Variants in NAV3 observed in about 807,000 individuals in gnomAD.
The protein encoded by NAV3 is neuron navigator 3, also known as pore membrane and/or filament interacting like protein 1.
Under a neutral mutation model 244.7 loss-of-function variants are expected in NAV3, and 87 were observed. The observed-to-expected ratio is 0.36, with a 90% CI of 0.30 to 0.42. The LOEUF (loss-of-function observed/expected upper bound fraction) is 0.42. NAV3 is among the 20% of genes least tolerant of loss of function. NAV3 has a pLI of 1.00. For missense variants in NAV3, 2,663 were observed against 2,893.3 expected, an observed-to-expected ratio of 0.92 and a Z score of 1.83; for synonymous variants, 1,126 against 1,042.2, an observed-to-expected ratio of 1.08 and a Z score of -1.55.
chr12:78,148,830 A>T lies in NAV3; in HGVS notation c.4708-12A>T, dbSNP rs79647971. The T allele has an allele frequency of 6.3e-7, 1 of 1,590,620 alleles. No homozygotes were observed. The highest frequency in any genetic ancestry group is 8.6e-7 in the Non-Finnish European group (1 of 1,167,560). ...ACTTGCCTATTCCATTGATTTTTTT[A>T]ATTGCATTCAGCAAATCCATAAACT... On this transcript the variant is annotated splice_polypyrimidine_tract_variant and intron_variant, in intron 21 of 39. Coordinates refer to ENST00000397909, the MANE Select transcript of NAV3 (RefSeq NM_001024383.2).
chr12:77,982,305 G>A (rs1427054680), intron 5 of NAV3, among the ~76,000 whole-genome samples: 1 of 63,240 alleles, frequency 1.6e-5, no homozygotes, highest in African/African-American at 3.9e-5. Context: ...AAGTTCATAT[G>A]TGACCTTTCC....
chr12:77,598,213 C>T (rs1447486610), intron 2 of NAV3, among the ~76,000 whole-genome samples: 1 of 152,032 alleles, frequency 6.6e-6, no homozygotes. Context: ...TGGAAATTCT[C>T]ATTTCATGAG....
At chr12:77,762,015 C>T (rs143254787) in intron 2 of NAV3, among the ~76,000 whole-genome samples, 6,405 of 152,178 alleles carry the variant, frequency 0.042, 440 homozygotes, top group African/African-American at 0.14. Flanking sequence ...GTAGCAAAGA[C>T]TTGGAACCCA....
intron 2 of NAV3, among the ~76,000 whole-genome samples, chr12:77,691,569 G>A (rs1405685679): frequency 6.6e-6 from 1 of 150,822 alleles, no homozygotes; most frequent in Non-Finnish European, 1.5e-5. Flanking sequence ...GAACTTCATA[G>A]TATAGACAGA....
At chr12:77,931,341 T>C (rs1220178610) in intron 1 of NAV3, among the ~76,000 whole-genome samples, 1 of 152,016 alleles carries the variant, frequency 6.6e-6, no homozygotes, top group African/African-American at 2.4e-5. Context: ...CATGTGTGCA[T>C]ATGTGTGTAT....
At chr12:78,198,864 G>A (rs927806887) in intron 36 of NAV3, among the ~76,000 whole-genome samples, 188 bp downstream of exon 36, 10 of 149,170 alleles carry the variant, frequency 6.7e-5, no homozygotes, top group African/African-American at 2.0e-4. Context: ...TCTTTCTCAA[G>A]CCAACGTTTT....
chr12:77,790,952 T>C (rs1361824354), intron 2 of NAV3, among the ~76,000 whole-genome samples: 1 of 152,222 alleles, frequency 6.6e-6, no homozygotes, highest in African/African-American at 2.4e-5. Flanking sequence ...ACTCTGCATA[T>C]GCCCTTTTAG....
chr12:77,708,767 G>A lies in NAV3; in HGVS notation c.72+136501G>A, dbSNP rs566557503. 7.8e-3 allele frequency among the ~76,000 whole-genome samples: 1,192 copies of A among 152,202 alleles called. 6 individuals carry two copies. Among genetic ancestry groups the A allele is most frequent in the Middle Eastern group, 0.02 (6 of 294 alleles). Reference sequence around the variant, plus strand: ...GTGGTTTGTAGTTCTCCTTGAAGAGGTCCTTCACATCCCTTGTAAGTTGGA... The same window carrying A: ...GTGGTTTGTAGTTCTCCTTGAAGAGATCCTTCACATCCCTTGTAAGTTGGA... On this transcript the variant is annotated intron_variant, in intron 2 of 8. Coordinates refer to the NAV3 transcript ENST00000550042.
intron 5 of NAV3, among the ~76,000 whole-genome samples, chr12:77,972,398 A>G (rs1419367424): frequency 1.3e-5 from 2 of 152,206 alleles, no homozygotes; most frequent in Non-Finnish European, 2.9e-5. Flanking sequence ...CAAGTAATCA[A>G]TTCTTTAAAA....
intron 12 of NAV3, among the ~76,000 whole-genome samples, chr12:78,074,669 A>C (rs955077563): frequency 6.6e-6 from 1 of 152,140 alleles, no homozygotes; most frequent in African/African-American, 2.4e-5. Flanking sequence ...GTGTCACTAT[A>C]CTCCAGCCTG....
At chr12:77,957,125 C>T (rs746830104) in intron 3 of NAV3, among the ~76,000 whole-genome samples, 1 of 152,194 alleles carries the variant, frequency 6.6e-6, no homozygotes. Flanking sequence ...CCATTCTCCT[C>T]GCTGCTCTAC....
chr12:78,003,588 G>T (rs1873698805), intron 7 of NAV3, among the ~76,000 whole-genome samples: 1 of 152,182 alleles, frequency 6.6e-6, no homozygotes, highest in South Asian at 2.1e-4. Flanking sequence ...TCCTTTCTCA[G>T]ACTGATACCA....
chr12:78,126,484 T>G (rs1955910401), intron 16 of NAV3, among the ~76,000 whole-genome samples: 1 of 152,206 alleles, frequency 6.6e-6, no homozygotes, highest in South Asian at 2.1e-4. Context: ...TTATTTTCTC[T>G]AGACATAGCT....
chr12:77,786,988 A>C (rs578047591), intron 2 of NAV3, among the ~76,000 whole-genome samples: 59 of 152,208 alleles, frequency 3.9e-4, no homozygotes, highest in South Asian at 3.3e-3. Flanking sequence ...ATTAATTACT[A>C]TAAGTTCGTT....
chr12:77,823,847 AC>A (rs1872849013), intron 2 of NAV3, among the ~76,000 whole-genome samples: 1 of 152,224 alleles, frequency 6.6e-6, no homozygotes, highest in African/African-American at 2.4e-5. Flanking sequence ...TGTTAAAACA[AC>A]TATTATAAAT....
At chr12:77,715,925 C>T (rs1876339426) in intron 2 of NAV3, among the ~76,000 whole-genome samples, 1 of 151,980 alleles carries the variant, frequency 6.6e-6, no homozygotes, top group African/African-American at 2.4e-5. Context: ...GCAGGTACTG[C>T]TTCATACCTA....
At chr12:78,178,758 G>T (rs1405735252) in intron 28 of NAV3, among the ~76,000 whole-genome samples, 1 of 152,032 alleles carries the variant, frequency 6.6e-6, no homozygotes, top group Admixed American at 6.6e-5. Context: ...TCATTTTGTG[G>T]CCAGTAAACT....
rs180799376 is a variant in NAV3 at position 78,105,830 on chromosome 12, T to C, written c.2637-10942T>C. Among the ~76,000 whole-genome samples, 52 of 151,930 alleles carry C rather than the reference T, an allele frequency of 3.4e-4. No homozygotes were observed. The East Asian group carries it at 9.3e-3, about 27-fold the overall frequency. On this transcript the variant is annotated intron_variant, in intron 12 of 39. Transcript: ENST00000397909. ...ATATATATTTGATGAAATAGTTCTC[T>C]TCTTTTACTCATTCTGAAGTCATTG...
intron 9 of NAV3, among the ~76,000 whole-genome samples, chr12:78,027,449 A>T (rs982477449): frequency 6.6e-6 from 1 of 151,838 alleles, no homozygotes; most frequent in Non-Finnish European, 1.5e-5. Context: ...GTCTCCAAAA[A>T]AAAAGGGTGG....
Sources: allele counts gnomAD v4.1 joint callset (sites outside exome capture counted in the v4.1 genomes callset), GRCh38; gene constraint gnomAD v4.1.1; transcripts MANE v1.5; gene names NCBI Gene and HGNC (gene_info 2026-07-23, HGNC 2026-07-21).